MAP3K20: variants seen among roughly 807,000 people sequenced by gnomAD.
The protein encoded by MAP3K20 is mitogen-activated protein kinase kinase kinase 20.
A neutral mutation model predicts 85.7 loss-of-function variants in MAP3K20; 40 were observed. The observed-to-expected ratio is 0.47, with a 90% CI of 0.36 to 0.61. The LOEUF (loss-of-function observed/expected upper bound fraction) is 0.61, where lower values mean the gene tolerates loss of function less well. Ranked by LOEUF, MAP3K20 falls within the 20% of genes least tolerant of loss-of-function variation. The pLI is 0.00. For synonymous variants in MAP3K20, 325 were observed against 327.7 expected (o/e 0.99, Z 0.09); for missense variants, 817 against 961.7 (o/e 0.85, Z 1.99).
intron 2 of MAP3K20, among the ~76,000 whole-genome samples, chr2:173,141,416 TAC>T (rs1351420972): frequency 6.6e-6 from 1 of 152,170 alleles, no homozygotes; most frequent in Admixed American, 6.5e-5. Flanking sequence ...ACTGTAAAAC[TAC>T]AGTCTCTTTA....
At chr2:173,212,730 T>G (rs56980119) in intron 10 of MAP3K20, 25,227 of 142,496 alleles carry the variant, frequency 0.18, 2,369 homozygotes, top group South Asian at 0.29. Context: ...GCTGGGGAGG[T>G]CAAAGCTGCA....
chr2:173,239,922 A>G (rs1361440940), intron 16 of MAP3K20, among the ~76,000 whole-genome samples: 1 of 152,258 alleles, frequency 6.6e-6, no homozygotes, highest in Non-Finnish European at 1.5e-5. Flanking sequence ...GTGGCAGGGC[A>G]TTTGAGCAAC....
chr2:173,191,042 C>A lies in MAP3K20; in HGVS notation c.447C>A (p.Ile149=). The A allele has an allele frequency of 1.2e-6, 2 of 1,613,718 alleles. No individual in the cohort carries two copies. Among genetic ancestry groups the A allele is most frequent in the Non-Finnish European group, 1.7e-6 (2 of 1,179,852 alleles). ...VVIAADGVLK[I]CDFGASRFHN... is the part of the protein sequence containing the mutation. Reference sequence around the variant, plus strand: ...GACACTGATTCCTGTTTTCTCAGATCTGTGACTTTGGTGCCTCTCGGTTCC... The same window carrying A: ...GACACTGATTCCTGTTTTCTCAGATATGTGACTTTGGTGCCTCTCGGTTCC... Residue 149 remains isoleucine, a splice_region_variant and synonymous_variant, in exon 7 of 20, where the codon ATC becomes ATA. Coordinates refer to ENST00000375213, the MANE Select transcript of MAP3K20 (RefSeq NM_016653.3).
At chr2:173,105,012 G>T (rs879683036) in intron 2 of MAP3K20, among the ~76,000 whole-genome samples, 14 of 152,158 alleles carry the variant, frequency 9.2e-5, no homozygotes, top group African/African-American at 2.9e-4. Flanking sequence ...GGGCCAGAGA[G>T]GCAATGAGGC....
At chr2:173,234,653 G>C (rs553939710) in intron 14 of MAP3K20, among the ~76,000 whole-genome samples, 1 of 152,300 alleles carries the variant, frequency 6.6e-6, no homozygotes, top group South Asian at 2.1e-4. Context: ...AAAGAGTTAA[G>C]AGAAATGGAA....
intron 17 of MAP3K20, among the ~76,000 whole-genome samples, chr2:173,259,877 C>G (rs13390766): frequency 0.12 from 18,428 of 152,184 alleles, 1,303 homozygotes; most frequent in Admixed American, 0.19. Context: ...TTCTTCCCCA[C>G]CCATACCACG....
chr2:173,082,633 T>C (rs1308305839), intron 1 of MAP3K20, among the ~76,000 whole-genome samples: 6 of 152,204 alleles, frequency 3.9e-5, no homozygotes, highest in African/African-American at 1.2e-4. Context: ...AGGCTACGGC[T>C]TTCTCCTCAT....
chr2:173,114,666 A>T (rs537993270), intron 2 of MAP3K20, among the ~76,000 whole-genome samples: 5 of 152,266 alleles, frequency 3.3e-5, no homozygotes, highest in African/African-American at 9.6e-5. Flanking sequence ...ACATGTGCTT[A>T]GCTTCACTCG....
chr2:173,121,285 C>G (rs1362964238), intron 2 of MAP3K20, among the ~76,000 whole-genome samples: 1 of 152,128 alleles, frequency 6.6e-6, no homozygotes, highest in Non-Finnish European at 1.5e-5. Flanking sequence ...GAAGTGGTTT[C>G]CTTTGTCGGA....
intron 18 of MAP3K20, among the ~76,000 whole-genome samples, chr2:173,262,605 G>GA (rs199907423): frequency 0.18 from 25,402 of 140,704 alleles, 2,235 homozygotes; most frequent in Middle Eastern, 0.25. Context: ...TCTCAAAAAA[G>GA]AAAAAAAAAA....
At chr2:173,093,173 A>G (rs1412895962) in intron 2 of MAP3K20, among the ~76,000 whole-genome samples, 1 of 152,206 alleles carries the variant, frequency 6.6e-6, no homozygotes, top group Non-Finnish European at 1.5e-5. Context: ...TTTCTTATGT[A>G]AATAATTGTT....
Position 173,232,493 on chromosome 2 carries a change from A to T in MAP3K20, c.1203+34A>T, listed in dbSNP as rs193104422. ...GAAAGGGACAACATTCCATCAGCAA[A>T]CCCTTTTTTTGTTTGTTTGGTTTTT... On this transcript the variant is annotated intron_variant, in intron 14 of 19. Transcript: ENST00000375213. 1.7e-3 allele frequency: 2,649 copies of T among 1,601,430 alleles called. 8 individuals carry two copies. Among genetic ancestry groups the T allele is most frequent in the Non-Finnish European group, 2.0e-3 (2,364 of 1,175,396 alleles).
intron 11 of MAP3K20, among the ~76,000 whole-genome samples, chr2:173,219,876 G>A (rs1295769312): frequency 1.3e-5 from 2 of 152,034 alleles, no homozygotes; most frequent in African/African-American, 4.8e-5. Flanking sequence ...AGACCAGCCT[G>A]GACAGCATAG....
intron 1 of MAP3K20, among the ~76,000 whole-genome samples, chr2:173,089,444 A>C (rs1687230593): frequency 6.6e-6 from 1 of 152,214 alleles, no homozygotes; most frequent in African/African-American, 2.4e-5. Flanking sequence ...TATAAAGCAA[A>C]AATACCATTA....
rs73971696 is a variant in MAP3K20 at position 173,104,883 on chromosome 2, G to A, written c.159+13693G>A. ...TTAAGGGAGGGAACCAAGCATGGGG[G>A]ATAAAACATTCCAGATACAGGCCCA... On this transcript the variant is annotated intron_variant, in intron 2 of 19. Coordinates refer to ENST00000375213, the MANE Select transcript of MAP3K20 (RefSeq NM_016653.3). Among the ~76,000 whole-genome samples the A allele has an allele frequency of 9.8e-3, 1,497 of 152,214 alleles. 27 individuals are homozygous for A. Among genetic ancestry groups the A allele is most frequent in the African/African-American group, 0.031 (1,306 of 41,532 alleles).
chr2:173,163,571 C>CA (rs1689726983), intron 2 of MAP3K20, among the ~76,000 whole-genome samples: 1 of 152,128 alleles, frequency 6.6e-6, no homozygotes, highest in Admixed American at 6.5e-5. Context: ...CATGTTTCTG[C>CA]AAAGGACATG....
In MAP3K20 at chr2:173,233,476, C is replaced by T. The variant is rs1276971022; in HGVS notation, c.1203+1017C>T. Among the ~76,000 whole-genome samples, 4 of 152,228 alleles carry T rather than the reference C, an allele frequency of 2.6e-5. No homozygotes were observed. The East Asian group carries it at 7.7e-4, about 29-fold the overall frequency. Reference sequence around the variant, plus strand: ...TGTTTTTTCAATTTAGCAACTTAAACTGAGTAAGAATTGCTGGCATCTGTG... The same window carrying T: ...TGTTTTTTCAATTTAGCAACTTAAATTGAGTAAGAATTGCTGGCATCTGTG... On this transcript the variant is annotated intron_variant, in intron 14 of 19. Coordinates refer to ENST00000375213, the MANE Select transcript of MAP3K20 (RefSeq NM_016653.3).
At chr2:173,110,216 TATATATATATATATATATATATATA>T (rs1250193736) in intron 2 of MAP3K20, among the ~76,000 whole-genome samples, 101 of 7,290 alleles carry the variant, frequency 0.014, 1 homozygote, top group African/African-American at 0.022. Flanking sequence ...TATATATATA[TATATATATATATATATATATATATA>T]TTTTTTTTTT....
At chr2:173,141,619 G>A (rs971509279) in intron 2 of MAP3K20, among the ~76,000 whole-genome samples, 10 of 151,936 alleles carry the variant, frequency 6.6e-5, no homozygotes, top group Non-Finnish European at 1.2e-4. Flanking sequence ...AAAGAAAGGA[G>A]AGAGAGAGAG....
Sources: allele counts gnomAD v4.1 joint callset (sites outside exome capture counted in the v4.1 genomes callset), GRCh38; gene constraint gnomAD v4.1.1; transcripts MANE v1.5; gene names NCBI Gene and HGNC (gene_info 2026-07-23, HGNC 2026-07-21).